The following OXR1 variants were observed in gnomAD, a reference collection of about 807,000 sequenced individuals.
The protein encoded by OXR1 is oxidation resistance 1.
OXR1 carries 41 observed loss-of-function variants against 104.6 expected under a neutral mutation model. That is an observed-to-expected ratio of 0.39 (90% CI 0.31 to 0.51). The LOEUF is 0.51. OXR1 is among the 20% of genes least tolerant of loss of function. OXR1 has a pLI of 0.77. For synonymous variants in OXR1, 348 were observed against 348.4 expected (o/e 1.00, Z 0.01); for missense variants, 955 against 1,031.9 (o/e 0.93, Z 1.02).
intron 16 of OXR1, among the ~76,000 whole-genome samples, chr8:106,747,383 C>CACCTTT (rs1563770708): frequency 3.3e-5 from 5 of 152,178 alleles, no homozygotes; most frequent in Non-Finnish European, 1.5e-5. Flanking sequence ...AACTGATAGC[C>CACCTTT]ACCTTTACTC....
intron 3 of OXR1, among the ~76,000 whole-genome samples, chr8:106,655,337 C>T (rs1824959141): frequency 1.3e-5 from 2 of 150,492 alleles, no homozygotes; most frequent in Admixed American, 1.3e-4. Context: ...CAAAAGGTAG[C>T]GTGAAAAAGC....
intron 2 of OXR1, among the ~76,000 whole-genome samples, chr8:106,406,120 G>A (rs374781825): frequency 1.2e-4 from 19 of 152,144 alleles, no homozygotes; most frequent in African/African-American, 3.9e-4. Context: ...ATCTTACCCC[G>A]ACCTAATCTT....
At chr8:106,341,866 C>T (rs536842580) in intron 1 of OXR1, among the ~76,000 whole-genome samples, 4 of 146,796 alleles carry the variant, frequency 2.7e-5, no homozygotes, top group African/African-American at 9.9e-5. Context: ...TCTATATCCC[C>T]CACCTCTATT....
chr8:106,333,602 C>G (rs1291291105), intron 1 of OXR1, among the ~76,000 whole-genome samples: 3 of 152,002 alleles, frequency 2.0e-5, no homozygotes, highest in African/African-American at 7.2e-5. Flanking sequence ...CTAAGATTGT[C>G]GTAGTTTTAA....
At chr8:106,476,594 C>A (rs941234166) in intron 2 of OXR1, among the ~76,000 whole-genome samples, 4 of 151,820 alleles carry the variant, frequency 2.6e-5, no homozygotes, top group African/African-American at 9.7e-5. Context: ...TGGCATTTTT[C>A]CCCCCAGAAT....
At chr8:106,583,167 G>A (rs1233570034) in intron 3 of OXR1, among the ~76,000 whole-genome samples, 1 of 152,082 alleles carries the variant, frequency 6.6e-6, no homozygotes, top group Admixed American at 6.6e-5. Flanking sequence ...CAATTCATAA[G>A]GCTAAGTATT....
At chr8:106,662,358 T>A (rs1411664614) in intron 3 of OXR1, among the ~76,000 whole-genome samples, 1 of 152,338 alleles carries the variant, frequency 6.6e-6, no homozygotes, top group Non-Finnish European at 1.5e-5. Flanking sequence ...ATAATAATAT[T>A]TTTTTAAATG....
chr8:106,601,945 G>A (rs998739980), intron 3 of OXR1, among the ~76,000 whole-genome samples: 1 of 152,232 alleles, frequency 6.6e-6, no homozygotes, highest in African/African-American at 2.4e-5. Context: ...CAGTAGATGC[G>A]CTTTACTGTT....
chr8:106,282,348 C>G (rs887952704), intron 1 of OXR1, among the ~76,000 whole-genome samples: 2 of 152,128 alleles, frequency 1.3e-5, no homozygotes, highest in Admixed American at 6.6e-5. Flanking sequence ...TTTGAAAAAC[C>G]ATTTATGCTC....
intron 2 of OXR1, among the ~76,000 whole-genome samples, chr8:106,381,188 C>T (rs1258281393): frequency 6.6e-6 from 1 of 152,060 alleles, no homozygotes; most frequent in Non-Finnish European, 1.5e-5. Context: ...AGTTATTCAA[C>T]CTGTGAACAA....
In OXR1 at chr8:106,747,549, C is replaced by T. The variant is rs28924696; in HGVS notation, c.2486+1687C>T. On this transcript the variant is annotated intron_variant, in intron 16 of 16. Transcript: ENST00000517566. Reference sequence around the variant, plus strand: ...CTTAGCCATTCTCTTTTCAGAAAGTCGTATGAATCATCTTTGAAAGCATTG... The same window carrying T: ...CTTAGCCATTCTCTTTTCAGAAAGTTGTATGAATCATCTTTGAAAGCATTG... 1.1e-3 allele frequency among the ~76,000 whole-genome samples: 167 copies of T among 152,268 alleles called. 1 individual carries two copies. The highest frequency in any genetic ancestry group is 3.9e-3 in the African/African-American group (164 of 41,554).
At chr8:106,694,980 A>G (rs188308286) in intron 7 of OXR1, among the ~76,000 whole-genome samples, 2 of 138,042 alleles carry the variant, frequency 1.4e-5, no homozygotes, top group Admixed American at 7.9e-5. Flanking sequence ...ATATTATAAT[A>G]TATATCTTTA....
intron 1 of OXR1, among the ~76,000 whole-genome samples, chr8:106,310,688 T>C (rs1813665193): frequency 6.6e-6 from 1 of 152,220 alleles, no homozygotes; most frequent in Non-Finnish European, 1.5e-5. Flanking sequence ...GGTACAGGAA[T>C]ATAGGTTAGA....
intron 3 of OXR1, among the ~76,000 whole-genome samples, chr8:106,659,823 T>C (rs1195712959): frequency 1.3e-5 from 2 of 152,206 alleles, no homozygotes; most frequent in Non-Finnish European, 2.9e-5. Context: ...GAGACACTTA[T>C]GTGTTTATAT....
intron 2 of OXR1, among the ~76,000 whole-genome samples, chr8:106,516,764 C>T (rs567262703): frequency 1.3e-5 from 2 of 152,152 alleles, no homozygotes; most frequent in East Asian, 1.9e-4. Context: ...CAATATAGTA[C>T]AATATGATAT....
At chr8:106,716,755 T>G (rs1385436162) in intron 11 of OXR1, among the ~76,000 whole-genome samples, 3 of 152,104 alleles carry the variant, frequency 2.0e-5, no homozygotes, top group Non-Finnish European at 4.4e-5. Flanking sequence ...GATAATATTT[T>G]GAATACATTA....
At chr8:106,638,732 A>G (rs1267694989) in intron 3 of OXR1, among the ~76,000 whole-genome samples, 3 of 152,150 alleles carry the variant, frequency 2.0e-5, no homozygotes, top group African/African-American at 7.2e-5. Flanking sequence ...ATCTCTACTA[A>G]AACTACAAAA....
intron 2 of OXR1, among the ~76,000 whole-genome samples, chr8:106,403,688 A>G (rs1025314350): frequency 6.6e-6 from 1 of 152,136 alleles, no homozygotes; most frequent in Non-Finnish European, 1.5e-5. Context: ...ACTGTTGACC[A>G]CCTTTTGGTT....
chr8:106,549,729 G>A (rs1321187569), intron 3 of OXR1, among the ~76,000 whole-genome samples: 1 of 152,166 alleles, frequency 6.6e-6, no homozygotes, highest in Non-Finnish European at 1.5e-5. Flanking sequence ...ATTCACATAT[G>A]CAAGGGATGA....
Sources: allele counts gnomAD v4.1 joint callset (sites outside exome capture counted in the v4.1 genomes callset), GRCh38; gene constraint gnomAD v4.1.1; transcripts MANE v1.5; gene names NCBI Gene and HGNC (gene_info 2026-07-23, HGNC 2026-07-21).